MYO1H: variants seen among roughly 807,000 people sequenced by gnomAD.
MYO1H encodes the protein myosin IH.
MYO1H carries 118 observed loss-of-function variants against 149.3 expected under a neutral mutation model. That is an observed-to-expected ratio of 0.79 (90% CI 0.68 to 0.92). MYO1H has a LOEUF of 0.92. Ranked by LOEUF, MYO1H falls within the 40% of genes least tolerant of loss-of-function variation. MYO1H has a pLI of 0.00. For synonymous variants in MYO1H, 447 were observed against 465.2 expected (o/e 0.96, Z 0.50); for missense variants, 1,212 against 1,280.7 (o/e 0.95, Z 0.82).
At chr12:109,445,529 A>T in exon 31 of MYO1H, 9 of 1,610,920 alleles carry the variant, frequency 5.6e-6, no homozygotes, top group Non-Finnish European at 7.6e-6. Context: ...GTTTTTTATT[A>T]GTCCGGGAAA....
chr12:109,343,944 G>A (rs2048094526), upstream of MYO1H, among the ~76,000 whole-genome samples: 1 of 152,068 alleles, frequency 6.6e-6, no homozygotes, highest in Non-Finnish European at 1.5e-5. Context: ...TCTATTCCAT[G>A]ATCCCATACA....
chr12:109,400,633 A>T (rs184513916), intron 5 of MYO1H, among the ~76,000 whole-genome samples: 1 of 152,358 alleles, frequency 6.6e-6, no homozygotes, highest in African/African-American at 2.4e-5. Flanking sequence ...AAGGATAGAT[A>T]AAGAAGACAA....
At chr12:109,361,933 A>G (rs921744785) in intron 1 of MYO1H, among the ~76,000 whole-genome samples, 3 of 152,150 alleles carry the variant, frequency 2.0e-5, no homozygotes, top group African/African-American at 7.2e-5. Context: ...TTAATCTTGC[A>G]TCAATGCAAA....
Position 109,385,299 on chromosome 12 carries a change from C to CTTT in MYO1H, c.13-3373_13-3371dup, listed in dbSNP as rs3068977. 3.1e-3 allele frequency among the ~76,000 whole-genome samples: 446 copies of CTTT among 144,282 alleles called. 3 individuals carry two copies. Among genetic ancestry groups the CTTT allele is most frequent in the African/African-American group, 9.9e-3 (387 of 39,274 alleles). The allele number at this position is 144,282 out of a possible 152,430, so 94.7% of individuals were successfully genotyped here. A position where few individuals can be genotyped will look rare whatever the true frequency, so the allele number is the denominator to read the frequency against. On this transcript the variant is annotated intron_variant, in intron 1 of 31. Coordinates refer to ENST00000310903, the Ensembl canonical transcript of MYO1H. The stretch of plus-strand genomic sequence containing the variant: ...GTTTCTTTTTTTCTTTCTTTCTTTT[C>CTTT]TTTTTTTTTTTTTAAGACAATGTCT...
chr12:109,406,065 G>A, intron 8 of MYO1H, 30 bp downstream of exon 8: 1 of 1,501,342 alleles, frequency 6.7e-7, no homozygotes, highest in Non-Finnish European at 9.3e-7. Context: ...GAGGACAGAA[G>A]GAGGGGGATG....
the MYO1H span, among the ~76,000 whole-genome samples, chr12:109,333,276 C>T: frequency 6.6e-6 from 1 of 152,112 alleles, no homozygotes; most frequent in East Asian, 1.9e-4. Flanking sequence ...GCTGAGACCG[C>T]ACCATCGCAC....
At chr12:109,392,560 T>C (rs1218447058) in intron 2 of MYO1H, among the ~76,000 whole-genome samples, 2 of 151,916 alleles carry the variant, frequency 1.3e-5, no homozygotes. Context: ...GCATCTCTAC[T>C]AAAAATACAA....
intron 10 of MYO1H, 125 bp from the exon 11 acceptor site, chr12:109,409,432 C>T (rs770363085): frequency 3.2e-5 from 27 of 832,714 alleles, no homozygotes; most frequent in African/African-American, 6.8e-5. Context: ...AAAGATTTTC[C>T]GCATTGTTGG....
chr12:109,442,795 C>CTGCCTTTTTTTTTT lies in MYO1H; in HGVS notation c.2688+524_2688+525insGCCTTTTTTTTTTT, dbSNP rs1165995755. On this transcript the variant is annotated intron_variant, in intron 27 of 31. Coordinates refer to ENST00000310903, the Ensembl canonical transcript of MYO1H. ...GTGATCGTGTGTGCCAGTGTCTGCTCTTTTTTTTTTTTTTTTTTTTTTTGT... is the reference window on the plus strand; with the variant it reads ...GTGATCGTGTGTGCCAGTGTCTGCTCTGCCTTTTTTTTTTTTTTTTTTTTTTTTTTTTTTTTTGT... 1.1e-3 allele frequency among the ~76,000 whole-genome samples: 108 copies of CTGCCTTTTTTTTTT among 94,038 alleles called. 7 individuals carry two copies. Among genetic ancestry groups the CTGCCTTTTTTTTTT allele is most frequent in the East Asian group, 8.7e-3 (27 of 3,108 alleles). The allele number at this position is 94,038 out of a possible 152,430, so 61.7% of individuals were successfully genotyped here. A position where few individuals can be genotyped will look rare whatever the true frequency, so the allele number is the denominator to read the frequency against.
At chr12:109,362,021 AG>A (rs1868765366) in intron 1 of MYO1H, among the ~76,000 whole-genome samples, 1 of 151,976 alleles carries the variant, frequency 6.6e-6, no homozygotes, top group African/African-American at 2.4e-5. Flanking sequence ...CAGCCATGGG[AG>A]TCATTAATAA....
chr12:109,435,004 A>G (rs1314414902), intron 20 of MYO1H, 33 bp from the exon 21 acceptor site: 1 of 1,486,960 alleles, frequency 6.7e-7, no homozygotes, highest in African/African-American at 1.4e-5. Context: ...AAACTGACCA[A>G]TTAATAACAA....
chr12:109,385,945 C>T (rs539537587), intron 1 of MYO1H, among the ~76,000 whole-genome samples: 73 of 152,166 alleles, frequency 4.8e-4, no homozygotes, highest in African/African-American at 1.6e-3. Flanking sequence ...TTATCTTGAC[C>T]GATAGATATA....
At chr12:109,378,104 TAATC>T (rs1215552012) in intron 1 of MYO1H, among the ~76,000 whole-genome samples, 1 of 152,220 alleles carries the variant, frequency 6.6e-6, no homozygotes, top group African/African-American at 2.4e-5. Flanking sequence ...GCCATACAAT[TAATC>T]TATTTAAAGT....
exon 32 of MYO1H, chr12:109,447,432 T>G: frequency 1.7e-6 from 1 of 590,592 alleles, no homozygotes; most frequent in South Asian, 2.0e-5. Flanking sequence ...GGCGCAATTC[T>G]AAACACCCTC....
At chr12:109,350,636 G>C (rs1714502251) in intron 1 of MYO1H, among the ~76,000 whole-genome samples, 1 of 152,138 alleles carries the variant, frequency 6.6e-6, no homozygotes, top group African/African-American at 2.4e-5. Context: ...AAAGCTCCCT[G>C]TCAGATAATG....
chr12:109,436,612 TG>T, intron 22 of MYO1H, 56 bp downstream of exon 22: 2 of 1,243,186 alleles, frequency 1.6e-6, no homozygotes, highest in Non-Finnish European at 2.3e-6. Context: ...GCTTGGCACC[TG>T]GGGGCACATT....
chr12:109,336,410 A>T, the MYO1H span, among the ~76,000 whole-genome samples: 3 of 152,168 alleles, frequency 2.0e-5, no homozygotes, highest in Non-Finnish European at 2.9e-5. Flanking sequence ...GTTCAACTCA[A>T]ACTGGCTTGA....
intron 1 of MYO1H, among the ~76,000 whole-genome samples, chr12:109,377,078 A>C (rs1869100182): frequency 6.6e-6 from 1 of 152,190 alleles, no homozygotes; most frequent in Non-Finnish European, 1.5e-5. Context: ...TGCAGCCGCC[A>C]CTTCTTTATA....
intron 12 of MYO1H, 122 bp downstream of exon 12, chr12:109,410,190 G>A (rs1592801307): frequency 4.0e-6 from 2 of 498,544 alleles, no homozygotes; most frequent in Non-Finnish European, 6.7e-6. Flanking sequence ...CGCCCAGGCT[G>A]GAGTCCAGTG....
Sources: allele counts gnomAD v4.1 joint callset (sites outside exome capture counted in the v4.1 genomes callset), GRCh38; gene constraint gnomAD v4.1.1; transcripts MANE v1.5; gene names NCBI Gene and HGNC (gene_info 2026-07-23, HGNC 2026-07-21).